The following PIGK variants were observed in gnomAD, a reference collection of about 807,000 sequenced individuals.
PIGK encodes phosphatidylinositol glycan anchor biosynthesis class K.
In PIGK, 42 loss-of-function variants were observed where a neutral mutation model predicts 50.6. The observed-to-expected ratio is 0.83, with a 90% CI of 0.65 to 1.07. The LOEUF is 1.07. PIGK is among the 50% of genes least tolerant of loss of function. The probability of loss-of-function intolerance (pLI) is 0.00; values close to 1 mark genes in which losing one functional copy is unlikely to be tolerated. For synonymous variants in PIGK, 151 were observed against 156.0 expected, an observed-to-expected ratio of 0.97 and a Z score of 0.24; for missense variants, 448 against 488.7, an observed-to-expected ratio of 0.92 and a Z score of 0.78.
At chr1:77,166,961 C>T in intron 4 of PIGK, 131 bp from the exon 5 acceptor site, 1 of 581,360 alleles carries the variant, frequency 1.7e-6, no homozygotes, top group South Asian at 2.4e-5. Context: ...AAATAAAACA[C>T]CCAAAAATTA....
At chr1:77,214,777 G>A (rs1656512926) in intron 1 of PIGK, among the ~76,000 whole-genome samples, 2 of 152,064 alleles carry the variant, frequency 1.3e-5, no homozygotes, top group Non-Finnish European at 2.9e-5. Context: ...AAAACTCTTA[G>A]AACTGATAAG....
chr1:77,130,067 T>A (rs1056720163), intron 9 of PIGK, among the ~76,000 whole-genome samples: 1 of 151,732 alleles, frequency 6.6e-6, no homozygotes, highest in Non-Finnish European at 1.5e-5. Context: ...TTCTATTTGG[T>A]TTGTCTTTTA....
chr1:77,127,316 A>G (rs1437690384), intron 9 of PIGK, among the ~76,000 whole-genome samples: 2 of 152,222 alleles, frequency 1.3e-5, no homozygotes, highest in African/African-American at 2.4e-5. Context: ...AAAATTATTT[A>G]CTGTGTCCAC....
At chr1:77,216,141 A>G (rs891310344) in intron 1 of PIGK, among the ~76,000 whole-genome samples, 1 of 152,212 alleles carries the variant, frequency 6.6e-6, no homozygotes, top group Non-Finnish European at 1.5e-5. Context: ...GGTGACAGAT[A>G]TGCTGATTAC....
At chr1:77,169,772 C>T (rs1367750735) in intron 3 of PIGK, among the ~76,000 whole-genome samples, 2 of 152,170 alleles carry the variant, frequency 1.3e-5, no homozygotes, top group Non-Finnish European at 2.9e-5. Context: ...GCTAAAGAAA[C>T]TGTCTTCCTT....
At chr1:77,179,784 T>C (rs1655570767) in intron 3 of PIGK, among the ~76,000 whole-genome samples, 1 of 152,230 alleles carries the variant, frequency 6.6e-6, no homozygotes, top group Non-Finnish European at 1.5e-5. Flanking sequence ...ATAATGTCTG[T>C]TCATAAAAGT....
At chr1:77,129,067 T>C (rs1443184467) in intron 9 of PIGK, 1 of 809,004 alleles carries the variant, frequency 1.2e-6, no homozygotes, top group Non-Finnish European at 2.2e-6. Flanking sequence ...GCTTTAAATA[T>C]TTACTATCTA....
chr1:77,187,309 G>A (rs1282714094), intron 3 of PIGK, among the ~76,000 whole-genome samples: 1 of 152,112 alleles, frequency 6.6e-6, no homozygotes, highest in Non-Finnish European at 1.5e-5. Flanking sequence ...GGATTCACAG[G>A]TCCAGGAATC....
intron 3 of PIGK, among the ~76,000 whole-genome samples, chr1:77,172,740 G>A (rs1021387949): frequency 4.6e-5 from 7 of 152,054 alleles, no homozygotes; most frequent in East Asian, 1.9e-4. Flanking sequence ...TGGCTAACAC[G>A]GTGAAACCCC....
At chr1:77,170,380 G>T (rs1292537914) in intron 3 of PIGK, among the ~76,000 whole-genome samples, 1 of 152,116 alleles carries the variant, frequency 6.6e-6, no homozygotes, top group Non-Finnish European at 1.5e-5. Context: ...TCCCACTTAA[G>T]TGGCTACTGA....
At chr1:77,097,873 T>A (rs1164501801) in intron 10 of PIGK, among the ~76,000 whole-genome samples, 1 of 151,702 alleles carries the variant, frequency 6.6e-6, no homozygotes, top group Non-Finnish European at 1.5e-5. Context: ...TCATTCACAA[T>A]AACAATTAAA....
At chr1:77,118,145 G>A (rs1240364163) in intron 10 of PIGK, among the ~76,000 whole-genome samples, 1 of 152,196 alleles carries the variant, frequency 6.6e-6, no homozygotes, top group Non-Finnish European at 1.5e-5. Context: ...TCATTAGGCT[G>A]TTCAGTTTTT....
chr1:77,164,454 G>A (rs1466933102), intron 5 of PIGK, among the ~76,000 whole-genome samples: 2 of 152,078 alleles, frequency 1.3e-5, no homozygotes, highest in Non-Finnish European at 2.9e-5. Flanking sequence ...CAGCCATAAA[G>A]TGAGAAATGT....
At chr1:77,192,387 AATTTG>A (rs1199616789) in intron 3 of PIGK, among the ~76,000 whole-genome samples, 5 of 152,322 alleles carry the variant, frequency 3.3e-5, no homozygotes, top group East Asian at 1.9e-4. Context: ...CATTCTCATG[AATTTG>A]ATTTAACTAT....
chr1:77,199,889 T>C (rs1368088091), intron 3 of PIGK, among the ~76,000 whole-genome samples: 2 of 152,138 alleles, frequency 1.3e-5, no homozygotes, highest in South Asian at 2.1e-4. Flanking sequence ...TATGACACTA[T>C]ACAGATTGGT....
chr1:77,132,255 T>C (rs1293423681), intron 9 of PIGK, among the ~76,000 whole-genome samples: 1 of 152,004 alleles, frequency 6.6e-6, no homozygotes, highest in Non-Finnish European at 1.5e-5. Flanking sequence ...ATGTAATAAG[T>C]GATATAGCTG....
intron 10 of PIGK, among the ~76,000 whole-genome samples, chr1:77,111,428 T>C (rs911281670): frequency 1.1e-4 from 16 of 152,064 alleles, no homozygotes; most frequent in African/African-American, 3.9e-4. Context: ...TATGCAGCCA[T>C]AAAAAATGAT....
intron 9 of PIGK, among the ~76,000 whole-genome samples, chr1:77,149,622 G>C (rs1190753985): frequency 6.6e-6 from 1 of 151,972 alleles, no homozygotes; most frequent in Non-Finnish European, 1.5e-5. Flanking sequence ...AGATCTAAAG[G>C]AAGAGGCAAA....
intron 9 of PIGK, among the ~76,000 whole-genome samples, chr1:77,137,217 A>G (rs1453658722): frequency 6.6e-6 from 1 of 152,202 alleles, no homozygotes; most frequent in Non-Finnish European, 1.5e-5. Context: ...AAAGCCCCAG[A>G]AATGTGAGAT....
Sources: allele counts gnomAD v4.1 joint callset (sites outside exome capture counted in the v4.1 genomes callset), GRCh38; gene constraint gnomAD v4.1.1; transcripts MANE v1.5; gene names NCBI Gene and HGNC (gene_info 2026-07-23, HGNC 2026-07-21).